The following SLC26A7 variants were observed in gnomAD, a reference collection of about 807,000 sequenced individuals.
The protein encoded by SLC26A7 is anion exchange transporter.
In SLC26A7, 59 loss-of-function variants were observed where a neutral mutation model predicts 82.5. The observed-to-expected ratio is 0.72, with a 90% confidence interval of 0.58 to 0.89. The LOEUF is 0.89. Among genes scored for constraint, SLC26A7 ranks in the 40% least tolerant of loss-of-function variants. The pLI is 0.00. For missense variants in SLC26A7, 820 were observed against 793.0 expected (o/e 1.03, Z -0.41); for synonymous variants, 271 against 274.3 (o/e 0.99, Z 0.12).
intron 3 of SLC26A7, 51 bp from the exon 4 acceptor site, chr8:91,295,480 G>A (rs1811990030): frequency 1.9e-6 from 3 of 1,564,170 alleles, no homozygotes; most frequent in Non-Finnish European, 2.6e-6. Flanking sequence ...TTTTTATTGA[G>A]CCTTTAAATC....
intron 1 of SLC26A7, among the ~76,000 whole-genome samples, chr8:91,213,305 CA>C (rs1207753442): frequency 2.6e-5 from 4 of 152,040 alleles, no homozygotes; most frequent in Non-Finnish European, 5.9e-5. Flanking sequence ...TCGTCTAAGC[CA>C]AGATGCTTTT....
intron 8 of SLC26A7, among the ~76,000 whole-genome samples, chr8:91,341,113 A>G (rs1430895390): frequency 6.6e-6 from 1 of 151,626 alleles, no homozygotes; most frequent in Non-Finnish European, 1.5e-5. Flanking sequence ...CGTTAGGTAT[A>G]TCTCCCAATG....
intron 5 of SLC26A7, among the ~76,000 whole-genome samples, chr8:91,325,728 C>A (rs1186959576): frequency 6.6e-6 from 1 of 152,058 alleles, no homozygotes; most frequent in Non-Finnish European, 1.5e-5. Context: ...CCTCCATAAC[C>A]CAAGGGAAAA....
intron 5 of SLC26A7, among the ~76,000 whole-genome samples, chr8:91,327,515 C>T (rs921902953): frequency 2.0e-5 from 3 of 152,138 alleles, no homozygotes; most frequent in Non-Finnish European, 4.4e-5. Flanking sequence ...AGACACCTAT[C>T]TATATGCTGA....
intron 16 of SLC26A7, among the ~76,000 whole-genome samples, chr8:91,389,783 G>T (rs1296471629): frequency 2.0e-5 from 3 of 152,192 alleles, no homozygotes; most frequent in Non-Finnish European, 2.9e-5. Context: ...TAGAGCACAG[G>T]CTGCATAAGT....
Position 91,340,505 on chromosome 8 carries a change from C to G in SLC26A7, c.980C>G (p.Ala327Gly), listed in dbSNP as rs1813376232. Residue 327 changes from alanine (A) to glycine (G), a missense_variant, in exon 8 of 19, where the codon GCT becomes GGT. Physicochemically the swap from Ala to Gly is moderately conservative, Grantham distance 60. Transcript: ENST00000276609. ...LVGYVASLAL[A>G]QGSAKKFKYS... ...GGCTATGTGGCCTCACTGGCTCTTG[C>G]TCAAGGATCTGCCAAAAAATTCAAA... 2 of 1,613,776 alleles carry G rather than the reference C, an allele frequency of 1.2e-6. No homozygotes were observed. Among genetic ancestry groups the G allele is most frequent in the South Asian group, 2.2e-5 (2 of 91,082 alleles).
At chr8:91,237,352 A>G (rs965130643) in intron 2 of SLC26A7, among the ~76,000 whole-genome samples, 6 of 152,226 alleles carry the variant, frequency 3.9e-5, no homozygotes, top group African/African-American at 1.2e-4. Flanking sequence ...TTCAAATTCA[A>G]CTAGATTTCC....
At chr8:91,242,640 T>C (rs1810490005) in intron 2 of SLC26A7, among the ~76,000 whole-genome samples, 1 of 152,170 alleles carries the variant, frequency 6.6e-6, no homozygotes, top group Admixed American at 6.5e-5. Context: ...TGTTTCTCTC[T>C]GCCATGTGAG....
chr8:91,366,583 A>G lies in SLC26A7; in HGVS notation c.1492A>G (p.Thr498Ala). 1 of 1,610,746 alleles carries G rather than the reference A, an allele frequency of 6.2e-7. No individual in the cohort carries two copies. The highest frequency in any genetic ancestry group is 1.1e-5 in the South Asian group (1 of 90,360). The change falls in exon 14 of 19, where the codon ACC (threonine) becomes GCC (alanine). Residue 498 changes from threonine to alanine, a missense_variant. Physicochemically the swap from Thr to Ala is moderately conservative, Grantham distance 58 (BLOSUM62 0). Transcript: ENST00000276609. ...ATCTGTTTTTCTCCTCCAAAAGGAAACCCTGCAGCAGGTGAAAATTATCTC... is the reference window on the plus strand; with the variant it reads ...ATCTGTTTTTCTCCTCCAAAAGGAAGCCCTGCAGCAGGTGAAAATTATCTC... ...FKVKTEMDSE[T>A]LQQVKIISIN...
chr8:91,220,398 A>AT (rs199590742), intron 2 of SLC26A7, among the ~76,000 whole-genome samples: 1,778 of 152,140 alleles, frequency 0.012, 22 homozygotes, highest in Non-Finnish European at 0.017. Context: ...TAAAAAAAAA[A>AT]AACTGGGATA....
At chr8:91,366,544 A>G in intron 13 of SLC26A7, 36 bp from the exon 14 acceptor site, 4 of 1,598,834 alleles carry the variant, frequency 2.5e-6, no homozygotes, top group Non-Finnish European at 3.4e-6. Context: ...ATAATTTTCT[A>G]TTTAGAGTTC....
chr8:91,253,194 G>C (rs558922971), intron 2 of SLC26A7, among the ~76,000 whole-genome samples: 2 of 152,070 alleles, frequency 1.3e-5, no homozygotes, highest in Admixed American at 6.6e-5. Flanking sequence ...CACAGCAAAT[G>C]AGTGGAAGAG....
intron 9 of SLC26A7, among the ~76,000 whole-genome samples, chr8:91,347,436 T>G (rs999626144): frequency 6.6e-6 from 1 of 152,176 alleles, no homozygotes; most frequent in Non-Finnish European, 1.5e-5. Context: ...AGTCAAAATA[T>G]TATCATTTTA....
intron 1 of SLC26A7, among the ~76,000 whole-genome samples, chr8:91,211,108 G>A (rs1809906817): frequency 1.3e-5 from 2 of 152,178 alleles, no homozygotes; most frequent in South Asian, 2.1e-4. Flanking sequence ...AAAGCACTAA[G>A]GGAAAATAAC....
chr8:91,295,506 G>A lies in SLC26A7; in HGVS notation c.305-25G>A, dbSNP rs775045612. ...CCTTTAAATCAAATTACTAATAGAA[G>A]ATTCCCCACACCACTTGGTTTCAGG... On this transcript the variant is annotated intron_variant, in intron 3 of 18. Transcript: ENST00000276609. 1.6e-4 allele frequency: 249 copies of A among 1,593,320 alleles called. 1 individual carries two copies. The highest frequency in any genetic ancestry group is 1.2e-3 in the Admixed American group (67 of 56,600).
chr8:91,286,702 TA>T (rs1450999837), intron 2 of SLC26A7, among the ~76,000 whole-genome samples: 2 of 152,252 alleles, frequency 1.3e-5, no homozygotes, highest in African/African-American at 4.8e-5. Context: ...AAAGTAGAGA[TA>T]ATTCTGCTAA....
At chr8:91,315,831 G>A (rs1373497468) in intron 4 of SLC26A7, among the ~76,000 whole-genome samples, 1 of 152,134 alleles carries the variant, frequency 6.6e-6, no homozygotes, top group Non-Finnish European at 1.5e-5. Flanking sequence ...TGTTGTTCCT[G>A]CTACATCATA....
intron 2 of SLC26A7, among the ~76,000 whole-genome samples, chr8:91,275,135 C>T (rs952654561): frequency 3.9e-5 from 6 of 152,076 alleles, no homozygotes; most frequent in Non-Finnish European, 4.4e-5. Flanking sequence ...AAATCCAAAA[C>T]GGCATAGGAA....
chr8:91,306,719 T>A (rs1347889584), intron 4 of SLC26A7, among the ~76,000 whole-genome samples: 1 of 152,036 alleles, frequency 6.6e-6, no homozygotes, highest in East Asian at 1.9e-4. Context: ...TCCTTATTTT[T>A]TTTTTTTTGA....
Sources: gnomAD v4.1 joint callset for allele counts (sites outside exome capture counted in the v4.1 genomes callset) on GRCh38, gnomAD v4.1.1 for gene constraint, MANE v1.5 for transcripts, NCBI Gene and HGNC (gene_info 2026-07-23, HGNC 2026-07-21) for gene names.